Variants in SCAPER observed in about 807,000 individuals in gnomAD.
The protein encoded by SCAPER is S phase cyclin A-associated protein in the endoplasmic reticulum.
Under a neutral mutation model 182.2 loss-of-function variants are expected in SCAPER, and 98 were observed. That is an observed-to-expected ratio of 0.54 (90% CI 0.46 to 0.64). The LOEUF is 0.64. SCAPER is among the 30% of genes least tolerant of loss of function. The probability of loss-of-function intolerance (pLI) is 0.00; values close to 1 mark genes in which losing one functional copy is unlikely to be tolerated. For synonymous variants in SCAPER, 605 were observed against 564.6 expected (o/e 1.07, Z -1.01); for missense variants, 1,432 against 1,690.0 (o/e 0.85, Z 2.68).
chr15:76,652,562 T>C (rs280000), intron 21 of SCAPER, among the ~76,000 whole-genome samples: 19,178 of 102,398 alleles, frequency 0.19, 1,568 homozygotes, highest in African/African-American at 0.27. Context: ...CACACACACA[T>C]TAGCCGGGTG....
chr15:76,742,847 T>A (rs187318913), intron 15 of SCAPER, among the ~76,000 whole-genome samples: 1 of 152,070 alleles, frequency 6.6e-6, no homozygotes, highest in East Asian at 1.9e-4. Context: ...ATAGTAAAAT[T>A]TAAATTAAAA....
At chr15:76,816,382 G>A (rs554355535) in intron 5 of SCAPER, among the ~76,000 whole-genome samples, 2 of 150,430 alleles carry the variant, frequency 1.3e-5, no homozygotes, top group South Asian at 4.2e-4. Context: ...TTTAACTTTT[G>A]TTAAAAATGA....
Position 76,728,702 on chromosome 15 carries a change from G to A in SCAPER, c.2058C>T (p.Ala686=). 6.2e-7 allele frequency: 1 copy of A among 1,613,046 alleles called. No homozygotes were observed. The highest frequency in any genetic ancestry group is 8.5e-7 in the Non-Finnish European group (1 of 1,179,504). ...RKRALEAERQ[A]RVEELLMKRK... ...TCTTCATTAACAATTCTTCTACACG[G>A]GCCTGCCGCTCTGCCTCTAGAGCTC... The change falls in exon 17 of 32, where the codon GCC becomes GCT. Residue 686 remains alanine, a synonymous_variant. Coordinates refer to ENST00000563290, the MANE Select transcript of SCAPER (RefSeq NM_020843.4).
intron 20 of SCAPER, among the ~76,000 whole-genome samples, chr15:76,673,480 C>T (rs910860782): frequency 4.6e-5 from 7 of 151,988 alleles, no homozygotes; most frequent in Non-Finnish European, 7.4e-5. Context: ...AAGACTGTTC[C>T]ATGTGTTGGG....
intron 18 of SCAPER, among the ~76,000 whole-genome samples, chr15:76,704,453 T>C (rs997791958): frequency 6.6e-6 from 1 of 152,238 alleles, no homozygotes; most frequent in African/African-American, 2.4e-5. Flanking sequence ...TTTACCGTTT[T>C]AGGTCTAATG....
chr15:76,550,389 A>T, intron 23 of SCAPER, among the ~76,000 whole-genome samples: 1 of 151,918 alleles, frequency 6.6e-6, no homozygotes, highest in East Asian at 1.9e-4. Flanking sequence ...GTTCCCCTTC[A>T]TGTGTCCATG....
At chr15:76,514,770 A>C (rs76575313) in intron 23 of SCAPER, among the ~76,000 whole-genome samples, 3 of 152,194 alleles carry the variant, frequency 2.0e-5, no homozygotes, top group Non-Finnish European at 4.4e-5. Flanking sequence ...CTGAAGTGAA[A>C]ATTTTTATGG....
intron 1 of SCAPER, among the ~76,000 whole-genome samples, chr15:76,887,886 G>A (rs866604502): frequency 6.6e-6 from 1 of 152,184 alleles, no homozygotes; most frequent in Non-Finnish European, 1.5e-5. Context: ...AGCCTAACTG[G>A]GAGACACCTC....
At chr15:76,643,471 C>G (rs1264572841) in intron 21 of SCAPER, among the ~76,000 whole-genome samples, 1 of 152,050 alleles carries the variant, frequency 6.6e-6, no homozygotes, top group African/African-American at 2.4e-5. Flanking sequence ...CACTTGAGGT[C>G]AGGAGTTCAA....
chr15:76,657,725 A>C (rs1299097074), intron 21 of SCAPER, among the ~76,000 whole-genome samples: 2 of 152,198 alleles, frequency 1.3e-5, no homozygotes, highest in Non-Finnish European at 2.9e-5. Context: ...CACTATGATC[A>C]AATAGACTTT....
chr15:76,469,387 T>C (rs1251066830), intron 25 of SCAPER, among the ~76,000 whole-genome samples: 1 of 152,188 alleles, frequency 6.6e-6, no homozygotes, highest in Non-Finnish European at 1.5e-5. Context: ...TCCCTTACTG[T>C]TAACATCTTA....
intron 23 of SCAPER, among the ~76,000 whole-genome samples, chr15:76,514,793 A>C (rs2042294363): frequency 6.6e-6 from 1 of 152,216 alleles, no homozygotes; most frequent in Admixed American, 6.5e-5. Flanking sequence ...GTTTTTCCCA[A>C]TATGGAAAAC....
At position 76,668,717 on chromosome 15, in the gene SCAPER, A is replaced by G. The variant is rs374846036; in HGVS notation, c.2509-2928T>C. On this transcript the variant is annotated intron_variant, in intron 20 of 31. Transcript: ENST00000563290. ...TTTTCAATTTCCATCCTCAAACATA[A>G]GTTTCCCAAGGGCAATGACTTTGTC... Among the ~76,000 whole-genome samples the G allele has an allele frequency of 1.6e-4, 25 of 152,262 alleles. 1 individual carries two copies. The East Asian group carries it at 4.6e-3, about 28-fold the overall frequency.
intron 8 of SCAPER, among the ~76,000 whole-genome samples, chr15:76,779,751 T>G (rs929540735): frequency 1.8e-4 from 27 of 151,888 alleles, no homozygotes; most frequent in Non-Finnish European, 3.4e-4. Flanking sequence ...ATTAAATGAC[T>G]TACCAAAATC....
chr15:76,625,770 C>T (rs917718383), intron 21 of SCAPER, among the ~76,000 whole-genome samples: 7 of 152,076 alleles, frequency 4.6e-5, no homozygotes, highest in Non-Finnish European at 8.8e-5. Context: ...CAGGAGTCCA[C>T]GGTGGGAATG....
intron 23 of SCAPER, among the ~76,000 whole-genome samples, chr15:76,517,099 C>G (rs991911938): frequency 1.3e-5 from 2 of 151,992 alleles, no homozygotes; most frequent in Non-Finnish European, 2.9e-5. Flanking sequence ...GGGTTTACAC[C>G]AAGAGTGCTG....
intron 22 of SCAPER, among the ~76,000 whole-genome samples, chr15:76,583,106 A>C (rs2048377236): frequency 6.6e-6 from 1 of 152,144 alleles, no homozygotes; most frequent in African/African-American, 2.4e-5. Flanking sequence ...TAATCCCAGC[A>C]CTTTGGGAGG....
At chr15:76,625,660 T>C (rs886510098) in intron 21 of SCAPER, among the ~76,000 whole-genome samples, 3 of 152,132 alleles carry the variant, frequency 2.0e-5, no homozygotes, top group Non-Finnish European at 2.9e-5. Flanking sequence ...CTCAGGAGTA[T>C]GTGAGGCCCA....
intron 21 of SCAPER, among the ~76,000 whole-genome samples, chr15:76,630,108 C>A (rs2052963044): frequency 6.6e-6 from 1 of 152,076 alleles, no homozygotes; most frequent in Admixed American, 6.6e-5. Context: ...ACTGTGGAAA[C>A]ACAGTATTCT....
Sources: allele counts gnomAD v4.1 joint callset (sites outside exome capture counted in the v4.1 genomes callset), GRCh38; gene constraint gnomAD v4.1.1; transcripts MANE v1.5; gene names NCBI Gene and HGNC (gene_info 2026-07-23, HGNC 2026-07-21).